The following OPCML variants were observed in gnomAD, a reference collection of about 807,000 sequenced individuals.
OPCML encodes opioid binding protein/cell adhesion molecule like.
Under a neutral mutation model 37.8 loss-of-function variants are expected in OPCML, and 13 were observed. The observed-to-expected ratio is 0.34, with a 90% CI of 0.22 to 0.55. The LOEUF (loss-of-function observed/expected upper bound fraction) is 0.55. OPCML is among the 20% of genes least tolerant of loss of function. OPCML has a pLI of 0.91. For synonymous variants in OPCML, 176 were observed against 168.8 expected (o/e 1.04, Z -0.33); for missense variants, 341 against 435.6 (o/e 0.78, Z 1.93).
At chr11:132,604,425 C>A (rs1190214607) in intron 3 of OPCML, among the ~76,000 whole-genome samples, 1 of 152,140 alleles carries the variant, frequency 6.6e-6, no homozygotes, top group East Asian at 1.9e-4. Flanking sequence ...TCATTCCAGT[C>A]CCTTCTCCTG....
intron 3 of OPCML, among the ~76,000 whole-genome samples, chr11:132,557,254 C>CCGAT (rs1295659691): frequency 6.6e-6 from 1 of 152,140 alleles, no homozygotes; most frequent in Admixed American, 6.5e-5. Context: ...GTACCCAGAG[C>CCGAT]CGATTGACAG....
intron 1 of OPCML, chr11:133,117,951 G>A (rs1026608357): frequency 2.4e-5 from 24 of 984,860 alleles, no homozygotes; most frequent in Non-Finnish European, 2.9e-5. Flanking sequence ...GGCTGTCCAA[G>A]TTCCCCCATC....
At chr11:132,449,632 C>T (rs1288639272) in intron 4 of OPCML, among the ~76,000 whole-genome samples, 4 of 152,148 alleles carry the variant, frequency 2.6e-5, no homozygotes, top group Admixed American at 1.3e-4. Context: ...TTCAGCTTTA[C>T]ATCAACTGTT....
rs138968587 is a variant in OPCML at position 132,686,125 on chromosome 11, T to A, written c.147-28806A>T. ...TCTCTCTCCAAACCTTCTGATCTAT[T>A]TCCAGTTGATCAGCATCAGGCTGTC... On this transcript the variant is annotated intron_variant, in intron 2 of 7. Coordinates refer to ENST00000524381, the MANE Select transcript of OPCML (RefSeq NM_001012393.5). Among the ~76,000 whole-genome samples, 535 of 152,300 alleles carry A rather than the reference T, an allele frequency of 3.5e-3. 8 individuals are homozygous for A. The highest frequency in any genetic ancestry group is 0.012 in the African/African-American group (513 of 41,568).
At chr11:132,456,684 G>A (rs1236300284) in intron 4 of OPCML, among the ~76,000 whole-genome samples, 3 of 152,228 alleles carry the variant, frequency 2.0e-5, no homozygotes, top group Admixed American at 2.0e-4. Context: ...TCAGGTGTGG[G>A]AGAAAGAGCA....
At chr11:132,942,824 C>G in intron 2 of OPCML, 102 bp downstream of exon 2, 1 of 1,482,968 alleles carries the variant, frequency 6.7e-7, no homozygotes, top group Non-Finnish European at 9.2e-7. Flanking sequence ...ACAAGGCCCA[C>G]TCGCGTTCCG....
intron 1 of OPCML, chr11:133,301,165 G>T (rs963982875): frequency 1.3e-5 from 2 of 152,120 alleles, no homozygotes; most frequent in Admixed American, 1.3e-4. Flanking sequence ...TCTCAAAACA[G>T]TTCTAGTTTG....
chr11:133,467,453 G>T (rs1220111957), intron 1 of OPCML, among the ~76,000 whole-genome samples: 1 of 152,126 alleles, frequency 6.6e-6, no homozygotes, highest in African/African-American at 2.4e-5. Flanking sequence ...GCATGTGTTT[G>T]TATACTTATA....
At chr11:132,637,182 G>A (rs779146353) in intron 3 of OPCML, among the ~76,000 whole-genome samples, 10 of 150,926 alleles carry the variant, frequency 6.6e-5, no homozygotes, top group South Asian at 2.1e-4. Flanking sequence ...TTTTTCTGGC[G>A]ACTCTTTCTG....
At chr11:132,862,751 C>G (rs879719733) in intron 2 of OPCML, among the ~76,000 whole-genome samples, 49 of 152,252 alleles carry the variant, frequency 3.2e-4, no homozygotes, top group Admixed American at 3.1e-3. Context: ...CCTTCCCTTG[C>G]CTCATCACTG....
chr11:132,794,191 G>A (rs1938143270), intron 2 of OPCML, among the ~76,000 whole-genome samples: 1 of 152,180 alleles, frequency 6.6e-6, no homozygotes, highest in Non-Finnish European at 1.5e-5. Flanking sequence ...GGGAGCTAGA[G>A]TCGAGTTAGC....
chr11:132,452,369 A>T (rs920138562), intron 4 of OPCML, among the ~76,000 whole-genome samples: 2 of 152,106 alleles, frequency 1.3e-5, no homozygotes, highest in African/African-American at 4.8e-5. Context: ...CCAGTGGCAG[A>T]CTACCTGTCA....
At chr11:133,249,791 A>G (rs1213106755) in intron 1 of OPCML, among the ~76,000 whole-genome samples, 1 of 152,220 alleles carries the variant, frequency 6.6e-6, no homozygotes, top group Non-Finnish European at 1.5e-5. Context: ...CTAGAATGTC[A>G]CAGCACTTTG....
At chr11:132,620,012 C>G (rs1939305087) in intron 3 of OPCML, among the ~76,000 whole-genome samples, 1 of 152,068 alleles carries the variant, frequency 6.6e-6, no homozygotes, top group Non-Finnish European at 1.5e-5. Flanking sequence ...TCTTAATTTT[C>G]TCTATGGAAA....
In OPCML at chr11:133,483,795, T is replaced by TGATAGATGATAGATAGATAGATA. The variant is rs59881013; in HGVS notation, c.61+48468_61+48469insTATCTATCTATCTATCATCTATC. ...ATTTATAGATGGATAGATACATAGA[T>TGATAGATGATAGATAGATAGATA]GATAGATAGATAGATAGATAGATAG... On this transcript the variant is annotated intron_variant, in intron 1 of 7. Coordinates refer to ENST00000524381, the MANE Select transcript of OPCML (RefSeq NM_001012393.5). Among the ~76,000 whole-genome samples, 464 of 132,426 alleles carry TGATAGATGATAGATAGATAGATA rather than the reference T, an allele frequency of 3.5e-3. 5 individuals carry two copies. The highest frequency in any genetic ancestry group is 4.8e-3 in the African/African-American group (156 of 32,616). 86.9% of individuals were successfully genotyped at this position (132,426 alleles called of 152,430 possible).
intron 1 of OPCML, among the ~76,000 whole-genome samples, chr11:133,268,370 T>C (rs1401511991): frequency 2.6e-5 from 4 of 152,222 alleles, no homozygotes; most frequent in Admixed American, 2.6e-4. Context: ...TGCAAGAGGA[T>C]ATTAGGTTGT....
intron 1 of OPCML, among the ~76,000 whole-genome samples, chr11:132,946,940 G>A (rs116517975): frequency 0.017 from 2,618 of 152,250 alleles, 79 homozygotes; most frequent in African/African-American, 0.06. Flanking sequence ...TTTAATTTGT[G>A]TAAAGCTGAG....
chr11:133,348,371 G>C (rs1289808548), intron 1 of OPCML, among the ~76,000 whole-genome samples: 1 of 152,168 alleles, frequency 6.6e-6, no homozygotes, highest in Non-Finnish European at 1.5e-5. Flanking sequence ...GTCGTGCATC[G>C]AGCAGGTGCT....
intron 1 of OPCML, among the ~76,000 whole-genome samples, chr11:133,234,049 G>A (rs747915848): frequency 4.6e-5 from 7 of 152,154 alleles, no homozygotes; most frequent in Non-Finnish European, 8.8e-5. Flanking sequence ...CCAGGAGATT[G>A]GAGAAGTCAT....
Sources: allele counts gnomAD v4.1 joint callset (sites outside exome capture counted in the v4.1 genomes callset), GRCh38; gene constraint gnomAD v4.1.1; transcripts MANE v1.5; gene names NCBI Gene and HGNC (gene_info 2026-07-23, HGNC 2026-07-21).